FNTB: variants seen among roughly 807,000 people sequenced by gnomAD.
FNTB encodes the protein farnesyltransferase, CAAX box, subunit beta.
FNTB carries 27 observed loss-of-function variants against 59.4 expected under a neutral mutation model. The ratio of observed to expected loss-of-function variants is 0.45; its 90% CI spans 0.34 to 0.63. The LOEUF is 0.63. Ranked by LOEUF, FNTB falls within the 20% of genes least tolerant of loss-of-function variation. FNTB has a pLI of 0.02. For synonymous variants in FNTB, 230 were observed against 220.7 expected, an observed-to-expected ratio of 1.04 and a Z score of -0.37; for missense variants, 449 against 559.6, an observed-to-expected ratio of 0.80 and a Z score of 1.99.
At chr14:65,060,334 A>AC (rs2062833169) in intron 11 of FNTB, among the ~76,000 whole-genome samples, 1 of 151,164 alleles carries the variant, frequency 6.6e-6, no homozygotes. Context: ...CACACCTGTA[A>AC]CCCCAGCACT....
chr14:65,037,736 T>C (rs1595070036), intron 7 of FNTB, among the ~76,000 whole-genome samples: 2 of 74,942 alleles, frequency 2.7e-5, no homozygotes, highest in East Asian at 1.0e-3. Flanking sequence ...CTTATTTATT[T>C]ATTTATTATT....
chr14:65,053,236 A>G lies in FNTB; in HGVS notation c.956-2A>G. Reference sequence around the variant, plus strand: ...CCTTACTGACCCTTTGCCCTTCAACAGGTGACCCTGCCCTTAGCATGAGCC... The same window carrying G: ...CCTTACTGACCCTTTGCCCTTCAACGGGTGACCCTGCCCTTAGCATGAGCC... On this transcript the variant is annotated splice_acceptor_variant, in intron 9 of 11. Coordinates refer to ENST00000246166, the MANE Select transcript of FNTB (RefSeq NM_002028.4). LOFTEE classifies it high-confidence loss of function. The G allele has an allele frequency of 7.3e-7, 1 of 1,374,460 alleles. No homozygotes were observed. Among genetic ancestry groups the G allele is most frequent in the African/African-American group, 1.5e-5 (1 of 67,298 alleles). The allele number at this position is 1,374,460 out of a possible 1,614,324, so 85.1% of individuals were successfully genotyped here.
intron 1 of FNTB, chr14:65,003,555 G>A (rs549018315): frequency 1.3e-5 from 2 of 152,268 alleles, no homozygotes; most frequent in East Asian, 1.9e-4. Context: ...GAGATACCCA[G>A]GGGAAAATGA....
intron 4 of FNTB, chr14:65,022,180 G>T (rs1216364518): frequency 1.2e-5 from 5 of 409,694 alleles, no homozygotes; most frequent in Non-Finnish European, 2.5e-5. Flanking sequence ...ACGAGAACAA[G>T]CTTGATGTGA....
Position 65,032,790 on chromosome 14 carries a change from G to A in FNTB, c.692+94G>A. 2 of 1,231,636 alleles carry A rather than the reference G, an allele frequency of 1.6e-6. No individual in the cohort carries two copies. The highest frequency in any genetic ancestry group is 2.2e-6 in the Non-Finnish European group (2 of 902,750). The allele number at this position is 1,231,636 out of a possible 1,614,324, so 76.3% of individuals were successfully genotyped here. On this transcript the variant is annotated intron_variant, in intron 7 of 11. Coordinates refer to ENST00000246166, the MANE Select transcript of FNTB (RefSeq NM_002028.4). The surrounding 1 kb of genome is among the most constrained non-coding windows in gnomAD (Gnocchi z 5.0). Reference sequence around the variant, plus strand: ...AAAGAAAATGCAGAGGGACTTGGAAGGAAATACAAAAATCACAGGAGATCC... The same window carrying A: ...AAAGAAAATGCAGAGGGACTTGGAAAGAAATACAAAAATCACAGGAGATCC...
chr14:65,040,983 A>G, intron 8 of FNTB, 64 bp downstream of exon 8: 2 of 1,588,076 alleles, frequency 1.3e-6, no homozygotes, highest in Non-Finnish European at 1.7e-6. Flanking sequence ...TTGTACTCAG[A>G]CATGCAGGCT....
chr14:65,019,311 AC>A (rs1595034297), intron 4 of FNTB, among the ~76,000 whole-genome samples: 1 of 152,024 alleles, frequency 6.6e-6, no homozygotes, highest in East Asian at 1.9e-4. Context: ...ACATGGTGAA[AC>A]CCTGTCTCTA....
In FNTB at chr14:65,040,805, AG is replaced by A; in HGVS notation, c.710del (p.Gly237ValfsTer24). 1 of 1,613,290 alleles carries A rather than the reference AG, an allele frequency of 6.2e-7. No homozygotes were observed. Among genetic ancestry groups the A allele is most frequent in the Non-Finnish European group, 8.5e-7 (1 of 1,179,926 alleles). On this transcript the variant is annotated frameshift_variant, in exon 8 of 12. Transcript: ENST00000246166. LOFTEE classifies it high-confidence loss of function. ...CTCTTCTTAGGTGTCAGAACTGGGAAGGTGGCATTGGCGGGGTACCAGGGAT... is the reference window on the plus strand; with the variant it reads ...CTCTTCTTAGGTGTCAGAACTGGGAAGTGGCATTGGCGGGGTACCAGGGAT... ...EWIARCQNWE[G>X]GIGGVPGMEA...
chr14:64,997,185 G>A lies in FNTB; in HGVS notation c.145-7064G>A, dbSNP rs769449760. Among the ~76,000 whole-genome samples the A allele has an allele frequency of 2.0e-5, 3 of 152,180 alleles. No individual in the cohort carries two copies. Among genetic ancestry groups the A allele is most frequent in the East Asian group, 1.9e-4 (1 of 5,204 alleles). On this transcript the variant is annotated intron_variant, in intron 1 of 11. Coordinates refer to ENST00000246166, the MANE Select transcript of FNTB (RefSeq NM_002028.4). This position sits in a 1 kb window ranked among gnomAD's most constrained non-coding sequence, Gnocchi z 4.5. Reference sequence around the variant, plus strand: ...GTAAAGGATAACCAGCGATTATTCCGGAGGTCACAAGATTTAGAGCTTTCT... The same window carrying A: ...GTAAAGGATAACCAGCGATTATTCCAGAGGTCACAAGATTTAGAGCTTTCT...
chr14:65,061,646 G>A lies in FNTB; in HGVS notation c.*334G>A, dbSNP rs532482051. ...GAGATGAATGGCATCTGAGTATTAC[G>A]GCATCCAGAGCCACTGCTGACTCCC... On this transcript the variant is annotated 3_prime_UTR_variant, in exon 12 of 12. Transcript: ENST00000246166. 5 of 231,028 alleles carry A rather than the reference G, an allele frequency of 2.2e-5. No individual in the cohort carries two copies. The highest frequency in any genetic ancestry group is 1.4e-4 in the South Asian group (2 of 14,040). 14.3% of individuals were successfully genotyped at this position (231,028 alleles called of 1,614,324 possible).
At chr14:65,015,070 C>G (rs2061744371) in intron 3 of FNTB, among the ~76,000 whole-genome samples, 4 of 151,248 alleles carry the variant, frequency 2.6e-5, no homozygotes, top group Admixed American at 6.6e-5. Flanking sequence ...TCAGGGTCAT[C>G]TTTTTTTTAA....
rs187371779 is a variant in FNTB, at chr14:65,002,561, A to G, written c.145-1688A>G. On this transcript the variant is annotated intron_variant, in intron 1 of 11. Coordinates refer to ENST00000246166, the MANE Select transcript of FNTB (RefSeq NM_002028.4). ...GAGGTGGAGGTTGCGGTGAGCCGAG[A>G]TCATGCCACTACACTCCAGCCTGGA... Among the ~76,000 whole-genome samples the G allele has an allele frequency of 1.7e-3, 253 of 152,256 alleles. 1 individual carries two copies. Among genetic ancestry groups the G allele is most frequent in the African/African-American group, 5.8e-3 (242 of 41,548 alleles).
intron 1 of FNTB, 53 bp from the exon 2 acceptor site, chr14:65,004,196 G>A (rs889704103): frequency 6.3e-7 from 1 of 1,589,998 alleles, no homozygotes; most frequent in Non-Finnish European, 8.6e-7. Flanking sequence ...AAAAGCTGAT[G>A]GAGGTCTCAT....
intron 8 of FNTB, among the ~76,000 whole-genome samples, chr14:65,043,808 G>A (rs866149379): frequency 3.6e-3 from 432 of 118,848 alleles, no homozygotes; most frequent in African/African-American, 0.013. Flanking sequence ...CGGCCTGGGC[G>A]ACAGAGCGAG....
In FNTB at chr14:65,062,445, C is replaced by T. The variant is rs1011105427; in HGVS notation, c.*1133C>T. 6.6e-6 allele frequency: 1 copy of T among 152,656 alleles called. No homozygotes were observed. Among genetic ancestry groups the T allele is most frequent in the African/African-American group, 2.4e-5 (1 of 41,458 alleles). 9.5% of individuals were successfully genotyped at this position (152,656 alleles called of 1,614,324 possible). A position where few individuals can be genotyped will look rare whatever the true frequency, so the allele number is the denominator to read the frequency against. On this transcript the variant is annotated 3_prime_UTR_variant, in exon 12 of 12. Transcript: ENST00000246166. The surrounding 1 kb of genome is among the most constrained non-coding windows in gnomAD (Gnocchi z 4.3). ...TGCTGTGCTGCACATTGAGCCCTTT[C>T]TCAGTCAGTGGAGTATCAAGTTGGG... is the stretch of plus-strand genomic sequence containing the variant.
At chr14:65,019,435 C>T (rs1234830913) in intron 4 of FNTB, among the ~76,000 whole-genome samples, 3 of 151,794 alleles carry the variant, frequency 2.0e-5, no homozygotes, top group Non-Finnish European at 2.9e-5. Context: ...TGCAGTGAGC[C>T]GAGATCACAC....
In FNTB at chr14:65,001,124, C is replaced by G. The variant is rs1227806643; in HGVS notation, c.145-3125C>G. On this transcript the variant is annotated intron_variant, in intron 1 of 11. Transcript: ENST00000246166. The surrounding 1 kb of genome is among the most constrained non-coding windows in gnomAD (Gnocchi z 5.5). Reference sequence around the variant, plus strand: ...CATACCTCACATAACTCAGACTGCTCTGAGCTATTTTTCTTTTCTCGATTG... The same window carrying G: ...CATACCTCACATAACTCAGACTGCTGTGAGCTATTTTTCTTTTCTCGATTG... Among the ~76,000 whole-genome samples, 1 of 152,088 alleles carries G rather than the reference C, an allele frequency of 6.6e-6. No homozygotes were observed. Among genetic ancestry groups the G allele is most frequent in the Non-Finnish European group, 1.5e-5 (1 of 68,010 alleles).
At position 65,062,545 on chromosome 14, in the gene FNTB, T is replaced by C. The variant is rs1349028303; in HGVS notation, c.*1233T>C. 6.5e-6 allele frequency: 1 copy of C among 152,712 alleles called. No homozygotes were observed. The highest frequency in any genetic ancestry group is 2.4e-5 in the African/African-American group (1 of 41,478). The allele number at this position is 152,712 out of a possible 1,614,324, so 9.5% of individuals were successfully genotyped here. On this transcript the variant is annotated 3_prime_UTR_variant, in exon 12 of 12. Transcript: ENST00000246166. This position sits in a 1 kb window ranked among gnomAD's most constrained non-coding sequence, Gnocchi z 4.3. ...CAGACAGGAGCTCAGAGATGCAGCATGAGGCGCTTAGAAAAACCTGGCCAT... is the reference window on the plus strand; with the variant it reads ...CAGACAGGAGCTCAGAGATGCAGCACGAGGCGCTTAGAAAAACCTGGCCAT...
At chr14:64,987,205 A>T in intron 1 of FNTB, 108 bp downstream of exon 1, 1 of 1,322,262 alleles carries the variant, frequency 7.6e-7, no homozygotes, top group Non-Finnish European at 1.0e-6. Flanking sequence ...TACGACTCCC[A>T]CAGCGCACCG....
Sources: allele counts gnomAD v4.1 joint callset (sites outside exome capture counted in the v4.1 genomes callset), GRCh38; gene constraint gnomAD v4.1.1; non-coding constraint Gnocchi (gnomAD v3.1); transcripts MANE v1.5; gene names NCBI Gene and HGNC (gene_info 2026-07-23, HGNC 2026-07-21).